Variants in PHLPP1 observed in about 807,000 individuals in gnomAD.
The protein encoded by PHLPP1 is PH domain leucine-rich repeat-containing protein phosphatase 1.
PHLPP1 carries 42 observed loss-of-function variants against 117.2 expected under a neutral mutation model. The ratio of observed to expected loss-of-function variants is 0.36; its 90% confidence interval spans 0.28 to 0.46. The LOEUF is 0.46. Among genes scored for constraint, PHLPP1 ranks in the 20% least tolerant of loss-of-function variants. PHLPP1 has a pLI of 1.00. For synonymous variants in PHLPP1, 1,042 were observed against 970.7 expected, an observed-to-expected ratio of 1.07 and a Z score of -1.37; for missense variants, 2,084 against 2,241.9, an observed-to-expected ratio of 0.93 and a Z score of 1.42.
chr18:62,740,580 G>A (rs1452812624), intron 1 of PHLPP1, among the ~76,000 whole-genome samples: 1 of 152,186 alleles, frequency 6.6e-6, no homozygotes, highest in East Asian at 1.9e-4. Flanking sequence ...ATTGTAGTAA[G>A]CATTGTATTT....
At chr18:62,785,188 A>G (rs1166895212) in intron 1 of PHLPP1, among the ~76,000 whole-genome samples, 1 of 152,190 alleles carries the variant, frequency 6.6e-6, no homozygotes, top group Non-Finnish European at 1.5e-5. Context: ...CTCCCCCAAA[A>G]CAATTATAGT....
At position 62,963,367 on chromosome 18, in the gene PHLPP1, G is replaced by C. The variant is rs1421890903; in HGVS notation, c.3456-1G>C. 1.2e-6 allele frequency: 2 copies of C among 1,605,674 alleles called. No individual in the cohort carries two copies. Among genetic ancestry groups the C allele is most frequent in the African/African-American group, 1.3e-5 (1 of 74,728 alleles). On this transcript the variant is annotated splice_acceptor_variant, in intron 13 of 16. Coordinates refer to ENST00000262719, the MANE Select transcript of PHLPP1 (RefSeq NM_194449.4). LOFTEE classifies it high-confidence loss of function. ...TGTTCCCTCCCTGTTTCTCTTGTTA[G>C]TAATATCCGCTGTTTCAAGATTGAT...
At chr18:62,845,210 G>T (rs1915150143) in intron 3 of PHLPP1, among the ~76,000 whole-genome samples, 1 of 152,110 alleles carries the variant, frequency 6.6e-6, no homozygotes, top group South Asian at 2.1e-4. Flanking sequence ...GTTGATCAGT[G>T]GCTGACAGTT....
In PHLPP1 at chr18:62,808,542, T is replaced by C. The variant is rs960395553; in HGVS notation, c.1577-21493T>C. Among the ~76,000 whole-genome samples the C allele has an allele frequency of 4.7e-5, 7 of 149,218 alleles. No individual in the cohort carries two copies. In the East Asian group the frequency reaches 1.4e-3, roughly 29 times the overall value. ...TAGTCACTTTTGTTTAGAATTCATC[T>C]CTCTGTTTTTTTTTGTTTTTTTTTT... On this transcript the variant is annotated intron_variant, in intron 1 of 16. Transcript: ENST00000262719.
chr18:62,741,709 T>A (rs1911531282), intron 1 of PHLPP1, among the ~76,000 whole-genome samples: 1 of 150,510 alleles, frequency 6.6e-6, no homozygotes, highest in Non-Finnish European at 1.5e-5. Context: ...GAGGAAGAAA[T>A]CTAGTATGCA....
At chr18:62,943,309 C>A (rs1192249141) in intron 11 of PHLPP1, among the ~76,000 whole-genome samples, 4 of 152,170 alleles carry the variant, frequency 2.6e-5, no homozygotes, top group Non-Finnish European at 5.9e-5. Flanking sequence ...CTTGCTGTAT[C>A]CCTCAGCCTC....
intron 10 of PHLPP1, among the ~76,000 whole-genome samples, chr18:62,940,892 A>C (rs1249288270): frequency 2.0e-5 from 3 of 152,192 alleles, no homozygotes; most frequent in Non-Finnish European, 4.4e-5. Flanking sequence ...CGTCTCCTGG[A>C]TACTGCCTCC....
At chr18:62,767,271 T>C (rs1017819121) in intron 1 of PHLPP1, among the ~76,000 whole-genome samples, 1 of 152,174 alleles carries the variant, frequency 6.6e-6, no homozygotes, top group Non-Finnish European at 1.5e-5. Context: ...AAAACCGAGA[T>C]TCCTTCAGCT....
intron 1 of PHLPP1, among the ~76,000 whole-genome samples, chr18:62,806,392 T>A (rs956334354): frequency 2.6e-5 from 4 of 152,246 alleles, no homozygotes; most frequent in Non-Finnish European, 5.9e-5. Context: ...TTATGCTTGT[T>A]CTTTTCTCCT....
chr18:62,775,158 C>A (rs374580199), intron 1 of PHLPP1, among the ~76,000 whole-genome samples: 15 of 152,202 alleles, frequency 9.9e-5, no homozygotes, highest in Middle Eastern at 3.4e-3. Flanking sequence ...AGTGCAGTGG[C>A]GCCATCTCAG....
At chr18:62,851,728 G>C (rs576805116) in intron 3 of PHLPP1, among the ~76,000 whole-genome samples, 50 of 151,956 alleles carry the variant, frequency 3.3e-4, no homozygotes, top group African/African-American at 1.2e-3. Context: ...CAAAGTGCTA[G>C]GATTACAGGC....
chr18:62,822,265 G>GTTTTTTTTTGTTTTTTTTTT (rs1914481126), intron 1 of PHLPP1, among the ~76,000 whole-genome samples: 1 of 116,180 alleles, frequency 8.6e-6, no homozygotes. Context: ...AGAAAATAGT[G>GTTTTTTTTTGTTTTTTTTTT]TTTTTTTTTT....
At chr18:62,892,804 A>C (rs183395525) in intron 4 of PHLPP1, among the ~76,000 whole-genome samples, 1,565 of 148,668 alleles carry the variant, frequency 0.011, 28 homozygotes, top group African/African-American at 0.037. Flanking sequence ...TGAACCCAGG[A>C]GGCGGAGCTT....
chr18:62,873,323 G>C (rs1915956398), intron 4 of PHLPP1, among the ~76,000 whole-genome samples: 6 of 152,278 alleles, frequency 3.9e-5, no homozygotes. Flanking sequence ...TTAATTACTA[G>C]TTACTTATAC....
intron 4 of PHLPP1, among the ~76,000 whole-genome samples, chr18:62,886,933 G>C (rs1037236147): frequency 6.6e-6 from 1 of 152,144 alleles, no homozygotes; most frequent in Non-Finnish European, 1.5e-5. Context: ...AAAACATACT[G>C]CTTGTCCTGG....
At chr18:62,959,971 C>T (rs186250944) in intron 13 of PHLPP1, among the ~76,000 whole-genome samples, 1 of 152,120 alleles carries the variant, frequency 6.6e-6, no homozygotes, top group Admixed American at 6.6e-5. Flanking sequence ...TCCATCTGTC[C>T]ACACCTATAA....
chr18:62,972,448 A>G, intron 14 of PHLPP1, 66 bp from the exon 15 acceptor site: 1 of 1,405,654 alleles, frequency 7.1e-7, no homozygotes, highest in Non-Finnish European at 9.8e-7. Context: ...TCTTGAAATA[A>G]GCACTGGGCT....
rs185684342 is a variant in PHLPP1 at position 62,777,783 on chromosome 18, T to A, written c.1577-52252T>A. Reference sequence around the variant, plus strand: ...TTCCCCCAACCAGTAAGGACTCTCTTTTAGAATATTTTTGTTAAAGTGCTC... The same window carrying A: ...TTCCCCCAACCAGTAAGGACTCTCTATTAGAATATTTTTGTTAAAGTGCTC... On this transcript the variant is annotated intron_variant, in intron 1 of 16. Transcript: ENST00000262719. Among the ~76,000 whole-genome samples, 39 of 152,318 alleles carry A rather than the reference T, an allele frequency of 2.6e-4. 1 individual carries two copies. The East Asian group carries it at 6.9e-3, about 27-fold the overall frequency.
chr18:62,874,642 C>T (rs866668871), intron 4 of PHLPP1, among the ~76,000 whole-genome samples: 11 of 129,924 alleles, frequency 8.5e-5, no homozygotes, highest in South Asian at 7.7e-4. Context: ...CATCACAGGG[C>T]GCGCACGCAC....
Sources: allele counts gnomAD v4.1 joint callset (sites outside exome capture counted in the v4.1 genomes callset), GRCh38; gene constraint gnomAD v4.1.1; transcripts MANE v1.5; gene names NCBI Gene and HGNC (gene_info 2026-07-23, HGNC 2026-07-21).